The following MYOCD variants were observed in gnomAD, a reference collection of about 807,000 sequenced individuals.
The protein encoded by MYOCD is myocardin.
MYOCD carries 32 observed loss-of-function variants against 96.1 expected under a neutral mutation model. The ratio of observed to expected loss-of-function variants is 0.33; its 90% CI spans 0.25 to 0.45. MYOCD has a LOEUF of 0.45. Among genes scored for constraint, MYOCD ranks in the 20% least tolerant of loss-of-function variants. The probability of loss-of-function intolerance (pLI) is 1.00; values close to 1 mark genes in which losing one functional copy is unlikely to be tolerated. For missense variants in MYOCD, 1,133 were observed against 1,200.6 expected, an observed-to-expected ratio of 0.94 and a Z score of 0.83; for synonymous variants, 469 against 469.0, an observed-to-expected ratio of 1.00 and a Z score of 0.00.
At chr17:12,744,459 G>A in intron 8 of MYOCD, 23 bp downstream of exon 8, 6 of 1,583,232 alleles carry the variant, frequency 3.8e-6, no homozygotes, top group Non-Finnish European at 5.2e-6. Context: ...AGGCTGGGAG[G>A]GTGGCTGTGG....
intron 1 of MYOCD, among the ~76,000 whole-genome samples, chr17:12,686,888 G>T (rs937763100): frequency 3.9e-5 from 6 of 152,212 alleles, no homozygotes; most frequent in African/African-American, 1.4e-4. Flanking sequence ...TCAGTATCCT[G>T]CAAGAAAGCT....
intron 9 of MYOCD, among the ~76,000 whole-genome samples, chr17:12,750,221 A>C (rs1456756540): frequency 3.3e-5 from 5 of 152,140 alleles, no homozygotes; most frequent in Non-Finnish European, 7.3e-5. Context: ...AGCACTTCTC[A>C]AACATTAATG....
intron 9 of MYOCD, 114 bp downstream of exon 9, chr17:12,746,186 T>C (rs1047467142): frequency 2.6e-6 from 3 of 1,154,754 alleles, no homozygotes; most frequent in Non-Finnish European, 2.5e-6. Context: ...GGAAGAAGAC[T>C]GTAGGAAACA....
At chr17:12,754,829 T>A (rs1040680791) in intron 10 of MYOCD, among the ~76,000 whole-genome samples, 10 of 152,236 alleles carry the variant, frequency 6.6e-5, no homozygotes, top group African/African-American at 1.9e-4. Context: ...ACAAGGCATG[T>A]CTATGAGTAA....
chr17:12,683,740 C>T (rs1009756933), intron 1 of MYOCD, among the ~76,000 whole-genome samples: 10 of 152,152 alleles, frequency 6.6e-5, no homozygotes, highest in African/African-American at 2.2e-4. Context: ...CATGACACTC[C>T]CCAAATTGTA....
rs2032605723 is a variant in MYOCD, at chr17:12,744,456, G to A, written c.971+20G>A. 3.1e-6 allele frequency: 5 copies of A among 1,587,790 alleles called. No individual in the cohort carries two copies. The highest frequency in any genetic ancestry group is 1.3e-5 in the African/African-American group (1 of 74,176). ...GCTTAAGTAAGTCCGGCAAGGCTGG[G>A]AGGGTGGCTGTGGGCAGAGGTTGGG... On this transcript the variant is annotated intron_variant, in intron 8 of 13. Transcript: ENST00000425538.
chr17:12,703,599 A>C (rs1357614070), intron 1 of MYOCD, among the ~76,000 whole-genome samples: 1 of 152,072 alleles, frequency 6.6e-6, no homozygotes, highest in East Asian at 1.9e-4. Flanking sequence ...AATCTGCTCC[A>C]CTTCAATTAA....
rs140365970 is a variant in MYOCD, at chr17:12,717,387, C to T, written c.219C>T (p.Asn73=). The change falls in exon 4 of 14, where the codon AAC becomes AAT. Residue 73 remains asparagine (N), a synonymous_variant. Coordinates refer to ENST00000425538, the MANE Select transcript of MYOCD (RefSeq NM_001146312.3). ...SLKRKARNRC[N]SADLVNMHIL... is the part of the protein sequence containing the mutation. The stretch of plus-strand genomic sequence containing the variant: ...AGCGCAAAGCCAGAAACAGGTGCAA[C>T]AGTGCCGACTTGGTTAATATGCACA... 7.5e-5 allele frequency: 121 copies of T among 1,613,928 alleles called. No homozygotes were observed. Among genetic ancestry groups the T allele is most frequent in the South Asian group, 2.5e-4 (23 of 91,060 alleles).
chr17:12,686,815 CT>C (rs2030144211), intron 1 of MYOCD, among the ~76,000 whole-genome samples: 1 of 152,194 alleles, frequency 6.6e-6, no homozygotes, highest in Admixed American at 6.5e-5. Context: ...GTTCCCTCTG[CT>C]GCTGTTGCCA....
At chr17:12,682,150 C>T (rs1030792180) in intron 1 of MYOCD, among the ~76,000 whole-genome samples, 4 of 152,170 alleles carry the variant, frequency 2.6e-5, no homozygotes, top group African/African-American at 7.2e-5. Context: ...CCGGGAAATT[C>T]GATGCTTCTG....
chr17:12,682,582 A>G (rs1048391312), intron 1 of MYOCD, among the ~76,000 whole-genome samples: 3 of 152,164 alleles, frequency 2.0e-5, no homozygotes, highest in Non-Finnish European at 4.4e-5. Flanking sequence ...TCGCGGAGAG[A>G]GTTTTCAGGG....
At chr17:12,684,670 C>T (rs2029997141) in intron 1 of MYOCD, among the ~76,000 whole-genome samples, 1 of 151,552 alleles carries the variant, frequency 6.6e-6, no homozygotes, top group African/African-American at 2.4e-5. Context: ...CATAGTGAAA[C>T]CCCGTGTCTA....
chr17:12,708,584 G>T (rs1241627015), intron 2 of MYOCD, among the ~76,000 whole-genome samples: 1 of 152,014 alleles, frequency 6.6e-6, no homozygotes, highest in Non-Finnish European at 1.5e-5. Flanking sequence ...AGTAGAGACA[G>T]GTTTCACCAT....
chr17:12,745,902 C>CTT lies in MYOCD; in HGVS notation c.972-15_972-14dup, dbSNP rs1258570180. 7 of 1,612,978 alleles carry CTT rather than the reference C, an allele frequency of 4.3e-6. No individual in the cohort carries two copies. The highest frequency in any genetic ancestry group is 1.3e-5 in the African/African-American group (1 of 74,878). ...ATATTTGATTGTACTTGAAATGCCT[C>CTT]TTTGTTTGTTTTTTAGGGAACCAAA... is the stretch of plus-strand genomic sequence containing the variant. On this transcript the variant is annotated splice_polypyrimidine_tract_variant and intron_variant, in intron 8 of 13. Coordinates refer to ENST00000425538, the MANE Select transcript of MYOCD (RefSeq NM_001146312.3).
chr17:12,746,535 A>T (rs1412253654), intron 9 of MYOCD, among the ~76,000 whole-genome samples: 1 of 152,130 alleles, frequency 6.6e-6, no homozygotes, highest in East Asian at 1.9e-4. Context: ...GACAAGTGAG[A>T]CAGGAGATGC....
intron 1 of MYOCD, among the ~76,000 whole-genome samples, chr17:12,703,477 T>G (rs2031166123): frequency 6.6e-6 from 1 of 152,150 alleles, no homozygotes; most frequent in Non-Finnish European, 1.5e-5. Flanking sequence ...TTTGAGGTTC[T>G]GTTCTTAAAT....
At chr17:12,682,072 C>G (rs933450673) in intron 1 of MYOCD, among the ~76,000 whole-genome samples, 2 of 152,134 alleles carry the variant, frequency 1.3e-5, no homozygotes, top group Non-Finnish European at 2.9e-5. Flanking sequence ...AGGGCAAGAC[C>G]GACGCAGATA....
At chr17:12,701,166 C>T (rs1009670781) in intron 1 of MYOCD, among the ~76,000 whole-genome samples, 2 of 152,128 alleles carry the variant, frequency 1.3e-5, no homozygotes, top group Admixed American at 1.3e-4. Flanking sequence ...TAATCAGTCA[C>T]TTTGGGAGGC....
Position 12,767,898 on chromosome 17 carries a change from G to T in MYOCD, c.*4254G>T, listed in dbSNP as rs144664235. The T allele has an allele frequency of 1.7e-3, 263 of 152,222 alleles. 2 individuals are homozygous for T. The highest frequency in any genetic ancestry group is 6.1e-3 in the African/African-American group (254 of 41,526). The allele number at this position is 152,222 out of a possible 1,614,324, so 9.4% of individuals were successfully genotyped here. On this transcript the variant is annotated 3_prime_UTR_variant, in exon 14 of 14. Coordinates refer to ENST00000425538, the MANE Select transcript of MYOCD (RefSeq NM_001146312.3). ...ATCGTAGCAGCTCTATAGACAAAAGGGACACTTACTGGTGAGCCTCTGGCC... is the reference window on the plus strand; with the variant it reads ...ATCGTAGCAGCTCTATAGACAAAAGTGACACTTACTGGTGAGCCTCTGGCC...
Sources: allele counts gnomAD v4.1 joint callset (sites outside exome capture counted in the v4.1 genomes callset), GRCh38; gene constraint gnomAD v4.1.1; transcripts MANE v1.5; gene names NCBI Gene and HGNC (gene_info 2026-07-23, HGNC 2026-07-21).